Variants in TOP1MT observed in about 807,000 individuals in gnomAD.
The protein encoded by TOP1MT is DNA topoisomerase I, mitochondrial.
In TOP1MT, 80 loss-of-function variants were observed where a neutral mutation model predicts 73.9. The ratio of observed to expected loss-of-function variants is 1.08; its 90% CI spans 0.90 to 1.30. The LOEUF (loss-of-function observed/expected upper bound fraction) is 1.30, where lower values mean the gene tolerates loss of function less well. TOP1MT is among the 50% of genes most tolerant of loss of function. The pLI is 0.00. For missense variants in TOP1MT, 815 were observed against 808.0 expected (o/e 1.01, Z -0.10); for synonymous variants, 338 against 326.4 (o/e 1.04, Z -0.38).
In TOP1MT at chr8:143,331,238, C is replaced by A. The variant is rs780315945; in HGVS notation, c.224G>T (p.Arg75Leu). 2.5e-6 allele frequency: 4 copies of A among 1,607,450 alleles called. No homozygotes were observed. The highest frequency in any genetic ancestry group is 2.2e-5 in the East Asian group (1 of 44,750). Reference sequence around the variant, plus strand: ...TGCATCCTTACCTTCATAGAAGAAACGCACTCCGTCGGGAAGGGGCTCGTA... The same window carrying A: ...TGCATCCTTACCTTCATAGAAGAAAAGCACTCCGTCGGGAAGGGGCTCGTA... Reference protein sequence around the residue: ...PPYEPLPDGVRFFYEGRPVRL... With the variant: ...PPYEPLPDGVLFFYEGRPVRL... The change falls in exon 2 of 14, where the codon CGT (arginine) becomes CTT (leucine). Residue 75 changes from arginine (R) to leucine (L), a missense_variant. Arg to Leu is a moderately radical substitution (Grantham distance 102). Transcript: ENST00000329245.
chr8:143,321,675 A>ACACGCACGCCACG (rs1563758134), intron 7 of TOP1MT, among the ~76,000 whole-genome samples: 1 of 74,994 alleles, frequency 1.3e-5, no homozygotes, highest in Non-Finnish European at 2.4e-5. Flanking sequence ...CGCACGCCAC[A>ACACGCACGCCACG]CACGCACGCC....
At chr8:143,334,984 G>C (rs1275386858), upstream of TOP1MT, 3 of 1,107,664 alleles carry the variant, frequency 2.7e-6, no homozygotes, top group African/African-American at 5.2e-5. Flanking sequence ...TCATCCCAAG[G>C]CTGGGCGGTC....
chr8:143,332,167 C>T (rs907589764), intron 1 of TOP1MT, among the ~76,000 whole-genome samples: 4 of 152,262 alleles, frequency 2.6e-5, no homozygotes, highest in Non-Finnish European at 5.9e-5. Context: ...CAAGCCTGCC[C>T]TGAACCAGCA....
chr8:143,309,594 A>C, intron 13 of TOP1MT, 51 bp from the exon 14 acceptor site: 1 of 1,608,466 alleles, frequency 6.2e-7, no homozygotes, highest in South Asian at 1.1e-5. Context: ...CCCACCTTGA[A>C]GGCCAGGTCA....
At chr8:143,354,712 CA>C (rs35838737) in intron 1 of TOP1MT, among the ~76,000 whole-genome samples, 16,745 of 126,928 alleles carry the variant, frequency 0.13, 3,056 homozygotes, top group African/African-American at 0.42. Flanking sequence ...AACTCCATTT[CA>C]AAAAAAAAAA....
chr8:143,324,360 C>A, intron 6 of TOP1MT, 125 bp downstream of exon 6: 1 of 1,462,208 alleles, frequency 6.8e-7, no homozygotes, highest in Admixed American at 2.1e-5. Context: ...ATGACCTCAG[C>A]ACGGGCTGGC....
chr8:143,348,728 G>A (rs996442749), upstream of TOP1MT, among the ~76,000 whole-genome samples: 2 of 152,170 alleles, frequency 1.3e-5, no homozygotes, highest in Non-Finnish European at 2.9e-5. This position sits in a 1 kb window ranked among gnomAD's most constrained non-coding sequence, Gnocchi z 4.6. Flanking sequence ...TGCAGGCTGT[G>A]AGGATGAAGG....
At chr8:143,343,495 G>A (rs1817167661) in intron 1 of TOP1MT, 1 of 329,694 alleles carries the variant, frequency 3.0e-6, no homozygotes, top group East Asian at 7.7e-5. Context: ...GCACCAGCTG[G>A]CGGTGGGAAG....
At chr8:143,323,415 CCA>C (rs1224169531) in intron 7 of TOP1MT, among the ~76,000 whole-genome samples, 27 of 120,700 alleles carry the variant, frequency 2.2e-4, no homozygotes, top group Non-Finnish European at 2.9e-4. Context: ...CACACGCACG[CCA>C]CACACACAGG....
At position 143,324,511 on chromosome 8, in the gene TOP1MT, T is replaced by C. The variant is rs754127144; in HGVS notation, c.790A>G (p.Met264Val). 9 of 1,613,946 alleles carry C rather than the reference T, an allele frequency of 5.6e-6. No individual in the cohort carries two copies. In the South Asian group the frequency reaches 7.7e-5, roughly 14 times the overall value. ...ESVQNSIKYI[M>V]LNPCSKLKGE... Reference sequence around the variant, plus strand: ...TTCAGCTTCGAGCAAGGGTTCAGCATGATGTACTTGATGGAGTTCTGAACG... The same window carrying C: ...TTCAGCTTCGAGCAAGGGTTCAGCACGATGTACTTGATGGAGTTCTGAACG... Residue 264 changes from methionine to valine, a missense_variant, in exon 6 of 14, where the codon ATG becomes GTG. Met to Val is a conservative substitution (Grantham distance 21). Coordinates refer to ENST00000329245, the MANE Select transcript of TOP1MT (RefSeq NM_052963.3).
At position 143,316,150 on chromosome 8, in the gene TOP1MT, G is replaced by T. The variant is rs1401447274; in HGVS notation, c.1331-24C>A. ...GGCTGAGAGGCACGGGCTGTCAGAG[G>T]CAGCACCCACGGGGCCGGCCACCCT... On this transcript the variant is annotated intron_variant, in intron 10 of 13. Coordinates refer to ENST00000329245, the MANE Select transcript of TOP1MT (RefSeq NM_052963.3). 3.1e-6 allele frequency: 5 copies of T among 1,613,714 alleles called. No individual in the cohort carries two copies. In the African/African-American group the frequency reaches 6.7e-5, roughly 22 times the overall value.
At chr8:143,322,439 GCACGCCACACA>G (rs1816471529) in intron 7 of TOP1MT, among the ~76,000 whole-genome samples, 4 of 79,356 alleles carry the variant, frequency 5.0e-5, no homozygotes, top group Non-Finnish European at 8.8e-5. Context: ...CACACCACAC[GCACGCCACACA>G]CAGGCATGCC....
intron 7 of TOP1MT, among the ~76,000 whole-genome samples, chr8:143,322,980 C>A (rs1379010200): frequency 2.8e-5 from 3 of 108,884 alleles, no homozygotes; most frequent in Non-Finnish European, 6.1e-5. Flanking sequence ...CACGCACGCA[C>A]GCCACACACG....
chr8:143,314,825 A>G (rs1292863115), intron 12 of TOP1MT, among the ~76,000 whole-genome samples: 2 of 152,150 alleles, frequency 1.3e-5, no homozygotes, highest in Admixed American at 6.5e-5. Context: ...ATTAGTTGGT[A>G]GCAATTACTC....
rs112307562 is a variant in TOP1MT, at chr8:143,350,168, C to T, written c.-39+5797G>A. ...CAAACTCTTCCGTTAAAGACCACAA[C>T]CACGTGCCCACTTCGGCAGCACATA... On this transcript the variant is annotated intron_variant, in intron 1 of 5. Coordinates refer to the TOP1MT transcript ENST00000518760. 2.0e-3 allele frequency: 306 copies of T among 152,334 alleles called. 1 individual carries two copies. The highest frequency in any genetic ancestry group is 7.1e-3 in the African/African-American group (294 of 41,562). 9.4% of individuals were successfully genotyped at this position (152,334 alleles called of 1,614,324 possible).
chr8:143,315,237 C>T (rs991771378), intron 12 of TOP1MT, among the ~76,000 whole-genome samples: 1 of 152,196 alleles, frequency 6.6e-6, no homozygotes, highest in African/African-American at 2.4e-5. Flanking sequence ...CTTCAGTGGT[C>T]ATGCTCCTAG....
In TOP1MT at chr8:143,321,477, C is replaced by CCACACACACGCACGCCA. The variant is rs111852314; in HGVS notation, c.961-92_961-91insTGGCGTGCGTGTGTGTG. 8.0e-6 allele frequency: 8 copies of CCACACACACGCACGCCA among 1,001,150 alleles called. No homozygotes were observed. In the African/African-American group the frequency reaches 2.0e-4, roughly 24 times the overall value. 62.0% of individuals were successfully genotyped at this position (1,001,150 alleles called of 1,614,324 possible). A position where few individuals can be genotyped will look rare whatever the true frequency, so the allele number is the denominator to read the frequency against. On this transcript the variant is annotated intron_variant, in intron 7 of 13. Coordinates refer to ENST00000329245, the MANE Select transcript of TOP1MT (RefSeq NM_052963.3). ...CACACACGCACGCCACACACGCACGCCACACGCACGCCACACACGCACGCC... is the reference window on the plus strand; with the variant it reads ...CACACACGCACGCCACACACGCACGCCACACACACGCACGCCACACACGCACGCCACACACGCACGCC...
At chr8:143,317,612 A>G in intron 10 of TOP1MT, 111 bp downstream of exon 10, 1 of 931,518 alleles carries the variant, frequency 1.1e-6, no homozygotes, top group Non-Finnish European at 1.6e-6. Flanking sequence ...CCCATTTCCC[A>G]AAGAAGCGGC....
chr8:143,321,257 C>A lies in TOP1MT; in HGVS notation c.1090G>T (p.Asp364Tyr). 1.2e-6 allele frequency: 2 copies of A among 1,612,492 alleles called. No homozygotes were observed. The highest frequency in any genetic ancestry group is 1.7e-6 in the Non-Finnish European group (2 of 1,179,152). The change falls in exon 8 of 14, where the codon GAC (aspartate) becomes TAC (tyrosine). Residue 364 changes from aspartate to tyrosine, a missense_variant. This residue lies in a region of TOP1MT where 751 missense variants were observed against 725.4 expected (regional missense o/e 1.04). Transcript: ENST00000329245. ...CGGATGCAGTCCTTCCCCAGGAAGT[C>A]AAATTCCACCACGTGTTGGCAGCCA... ...ADGCQHVVEF[D>Y]FLGKDCIRYY... is the part of the protein sequence containing the mutation.
Sources: gnomAD v4.1 joint callset for allele counts (sites outside exome capture counted in the v4.1 genomes callset) on GRCh38, gnomAD v4.1.1 for gene constraint, gnomAD v4.1.1 regional missense constraint, Gnocchi (gnomAD v3.1) non-coding constraint, MANE v1.5 for transcripts, NCBI Gene and HGNC (gene_info 2026-07-23, HGNC 2026-07-21) for gene names.